Variants in BBC3 observed in about 807,000 individuals in gnomAD.
BBC3 encodes the protein bcl-2-binding component 3.
A neutral mutation model predicts 18.2 loss-of-function variants in BBC3; 5 were observed. The observed-to-expected ratio is 0.27, with a 90% confidence interval of 0.14 to 0.58. The LOEUF is 0.58. Ranked by LOEUF, BBC3 falls within the 20% of genes least tolerant of loss-of-function variation. BBC3 has a pLI of 0.91. For missense variants in BBC3, 224 were observed against 268.9 expected, an observed-to-expected ratio of 0.83 and a Z score of 1.17; for synonymous variants, 119 against 128.0, an observed-to-expected ratio of 0.93 and a Z score of 0.47.
intron 2 of BBC3, among the ~76,000 whole-genome samples, 167 bp downstream of exon 2, chr19:47,227,991 C>T (rs780242849): frequency 1.3e-5 from 2 of 152,150 alleles, no homozygotes; most frequent in East Asian, 1.9e-4. Context: ...CCCCAGCCTC[C>T]GTCTTCCTGC....
At position 47,226,681 on chromosome 19, in the gene BBC3, C is replaced by G. The variant is rs532620508; in HGVS notation, c.348G>C (p.Ala116=). Residue 116 remains alanine (A), a synonymous_variant, in exon 3 of 4, where the codon GCG becomes GCC. Transcript: ENST00000439096. ...CCGGGGCCGCCTGGGTGGGACCGCC[C>G]GCCAGAGCCCCCGGGGCGCTGGGCA... is the stretch of plus-strand genomic sequence containing the variant. The part of the protein sequence containing the change: ...SPVPSAPGAL[A]GGPTQAAPGV... 1 of 1,499,704 alleles carries G rather than the reference C, an allele frequency of 6.7e-7. No individual in the cohort carries two copies. 92.9% of individuals were successfully genotyped at this position (1,499,704 alleles called of 1,614,324 possible). A position where few individuals can be genotyped will look rare whatever the true frequency, so the allele number is the denominator to read the frequency against.
At chr19:47,232,420 CCACCCA>C (rs2058923166), upstream of BBC3, 258 of 1,036,204 alleles carry the variant, frequency 2.5e-4, 2 homozygotes, top group South Asian at 3.7e-3. Context: ...AAGAAACTGA[CCACCCA>C]CACATGTCAC....
chr19:47,222,144 C>A, intron 3 of BBC3: 1 of 481,392 alleles, frequency 2.1e-6, no homozygotes, highest in Non-Finnish European at 3.7e-6. Context: ...GAGCTGGGCA[C>A]CAAGCGAGTG....
In BBC3 at chr19:47,226,626, G is replaced by A; in HGVS notation, c.403C>T (p.Arg135Trp). 1.3e-6 allele frequency: 2 copies of A among 1,569,432 alleles called. No homozygotes were observed. The highest frequency in any genetic ancestry group is 1.7e-6 in the Non-Finnish European group (2 of 1,160,398). ...GVRGEEEQWAREIGAQLRRMA... is the reference protein window; with the variant it reads ...GVRGEEEQWAWEIGAQLRRMA... The stretch of plus-strand genomic sequence containing the variant: ...CGCCGCAGCTGGGCCCCGATCTCCC[G>A]GGCCCACTGTTCCTCCTCCCCGCGG... Residue 135 changes from arginine to tryptophan, a missense_variant, in exon 3 of 4, where the codon CGG (arginine) becomes TGG (tryptophan). Physicochemically the swap from Arg to Trp is moderately radical, Grantham distance 101. Transcript: ENST00000439096.
intron 1 of BBC3, among the ~76,000 whole-genome samples, chr19:47,229,811 C>CACAT (rs1427307087): frequency 2.6e-5 from 4 of 152,020 alleles, no homozygotes; most frequent in Admixed American, 1.3e-4. Flanking sequence ...CCCCACCACA[C>CACAT]ACATACATAC....
chr19:47,228,109 C>T lies in BBC3; in HGVS notation c.274+49G>A. The T allele has an allele frequency of 8.3e-7, 1 of 1,211,908 alleles. No individual in the cohort carries two copies. The highest frequency in any genetic ancestry group is 3.2e-5 in the East Asian group (1 of 31,298). The allele number at this position is 1,211,908 out of a possible 1,614,324, so 75.1% of individuals were successfully genotyped here. A position where few individuals can be genotyped will look rare whatever the true frequency, so the allele number is the denominator to read the frequency against. The stretch of plus-strand genomic sequence containing the variant: ...TCTCCAGTTCCTCCGAGTCTCCAGC[C>T]CTCTCTCTTCCCGGCTCCTATCACC... On this transcript the variant is annotated intron_variant, in intron 2 of 3. Coordinates refer to ENST00000439096, the MANE Select transcript of BBC3 (RefSeq NM_014417.5). The surrounding 1 kb of genome is among the most constrained non-coding windows in gnomAD (Gnocchi z 5.5).
chr19:47,224,020 C>T (rs1236001429), intron 3 of BBC3, among the ~76,000 whole-genome samples: 3 of 152,108 alleles, frequency 2.0e-5, no homozygotes, highest in Non-Finnish European at 2.9e-5. Flanking sequence ...AATGGCCGGG[C>T]GCAGTGGCTT....
rs1048972030 is a variant in BBC3 at position 47,230,926 on chromosome 19, C to A, written c.-16+3G>T. ...GGAGAGGATTCGGGGCGCGCACACT[C>A]ACCCCGGGGGCATGAACACGCCGGA... is the stretch of plus-strand genomic sequence containing the variant. On this transcript the variant is annotated splice_donor_region_variant and intron_variant, in intron 1 of 3. Transcript: ENST00000439096. This position sits in a 1 kb window ranked among gnomAD's most constrained non-coding sequence, Gnocchi z 6.7. 220 of 983,570 alleles carry A rather than the reference C, an allele frequency of 2.2e-4. No homozygotes were observed. Among genetic ancestry groups the A allele is most frequent in the Non-Finnish European group, 2.5e-4 (210 of 828,418 alleles). The allele number at this position is 983,570 out of a possible 1,614,324, so 60.9% of individuals were successfully genotyped here.
Position 47,230,628 on chromosome 19 carries a change from C to T in BBC3, c.-16+301G>A, listed in dbSNP as rs113814238. On this transcript the variant is annotated intron_variant, in intron 1 of 3. Coordinates refer to ENST00000439096, the MANE Select transcript of BBC3 (RefSeq NM_014417.5). This position sits in a 1 kb window ranked among gnomAD's most constrained non-coding sequence, Gnocchi z 6.7. Reference sequence around the variant, plus strand: ...TTGGGGGCTGGGGCACCCCTGGGGTCGACCCTCTTCCCCGGGGCCGCACTG... The same window carrying T: ...TTGGGGGCTGGGGCACCCCTGGGGTTGACCCTCTTCCCCGGGGCCGCACTG... The T allele has an allele frequency of 2.7e-6, 2 of 729,606 alleles. No homozygotes were observed. Among genetic ancestry groups the T allele is most frequent in the Non-Finnish European group, 3.4e-6 (2 of 596,632 alleles). The allele number at this position is 729,606 out of a possible 1,614,324, so 45.2% of individuals were successfully genotyped here.
Position 47,221,677 on chromosome 19 carries a change from A to G in BBC3, c.*125T>C. The stretch of plus-strand genomic sequence containing the variant: ...GGCTGCCCCGGCCCGCCCCCGGGAC[A>G]GGCAGGGCTGGGAGTCCAGTATGCT... On this transcript the variant is annotated 3_prime_UTR_variant, in exon 4 of 4. Transcript: ENST00000439096. 1.3e-6 allele frequency: 2 copies of G among 1,533,200 alleles called. No homozygotes were observed. Among genetic ancestry groups the G allele is most frequent in the Non-Finnish European group, 1.7e-6 (2 of 1,146,128 alleles). The allele number at this position is 1,533,200 out of a possible 1,614,324, so 95.0% of individuals were successfully genotyped here. A position where few individuals can be genotyped will look rare whatever the true frequency, so the allele number is the denominator to read the frequency against.
At chr19:47,226,909 A>C (rs2058833720) in intron 2 of BBC3, 155 bp from the exon 3 acceptor site, 1 of 664,006 alleles carries the variant, frequency 1.5e-6, no homozygotes. Context: ...CTCCACAGGC[A>C]CCAGAAAGCA....
Position 47,221,912 on chromosome 19 carries a change from C to CTTGTCTCT in BBC3, c.466-2_471dup (p.Glu158ArgfsTer60). 6.2e-7 allele frequency: 1 copy of CTTGTCTCT among 1,603,030 alleles called. No individual in the cohort carries two copies. On this transcript the variant is annotated frameshift_variant, in exon 4 of 4. Coordinates refer to ENST00000439096, the MANE Select transcript of BBC3 (RefSeq NM_014417.5). LOFTEE classifies it high-confidence loss of function. The stretch of plus-strand genomic sequence containing the variant: ...GAGGGGCGGTGCCGCTGCTGCTCCT[C>CTTGTCTCT]TTGTCTCTGGGGAAAAGAGAGAGAA...
At chr19:47,223,535 C>A (rs1042434486) in intron 3 of BBC3, among the ~76,000 whole-genome samples, 2 of 152,126 alleles carry the variant, frequency 1.3e-5, no homozygotes, top group Non-Finnish European at 2.9e-5. Flanking sequence ...CCACTGCACT[C>A]CAGCCTGGGC....
At position 47,226,551 on chromosome 19, in the gene BBC3, C is replaced by A; in HGVS notation, c.465+13G>T. 1 of 1,538,990 alleles carries A rather than the reference C, an allele frequency of 6.5e-7. No individual in the cohort carries two copies. Among genetic ancestry groups the A allele is most frequent in the Non-Finnish European group, 8.7e-7 (1 of 1,143,650 alleles). On this transcript the variant is annotated intron_variant, in intron 3 of 3. Coordinates refer to ENST00000439096, the MANE Select transcript of BBC3 (RefSeq NM_014417.5). The stretch of plus-strand genomic sequence containing the variant: ...AAGTCCCACCTGCCGTCTACCCCAC[C>A]CCCAGCACTCACCCGCCGCTCGTAC...
chr19:47,223,544 G>A lies in BBC3; in HGVS notation c.466-1626C>T, dbSNP rs180836003. Among the ~76,000 whole-genome samples the A allele has an allele frequency of 1.7e-3, 258 of 152,274 alleles. 2 individuals are homozygous for A. The highest frequency in any genetic ancestry group is 3.2e-4 in the Non-Finnish European group (22 of 68,014). ...ATTGCACCACTGCACTCCAGCCTGG[G>A]CAACAGAGCAAGACTCCGTGTCAAA... is the stretch of plus-strand genomic sequence containing the variant. On this transcript the variant is annotated intron_variant, in intron 3 of 3. Coordinates refer to ENST00000439096, the MANE Select transcript of BBC3 (RefSeq NM_014417.5).
At chr19:47,223,666 T>C (rs2058777552) in intron 3 of BBC3, among the ~76,000 whole-genome samples, 1 of 152,112 alleles carries the variant, frequency 6.6e-6, no homozygotes, top group Admixed American at 6.6e-5. Context: ...CCACCTAACC[T>C]CCTTCCCTTC....
chr19:47,229,986 C>T (rs2058889538), intron 1 of BBC3, among the ~76,000 whole-genome samples: 1 of 152,002 alleles, frequency 6.6e-6, no homozygotes, highest in Admixed American at 6.6e-5. Flanking sequence ...CACAAGCACA[C>T]ATATCGCACG....
upstream of BBC3, among the ~76,000 whole-genome samples, chr19:47,231,795 A>G (rs1389534784): frequency 6.6e-6 from 1 of 152,146 alleles, no homozygotes; most frequent in Non-Finnish European, 1.5e-5. The surrounding 1 kb of genome is among the most constrained non-coding windows in gnomAD (Gnocchi z 4.0). Flanking sequence ...ACTGATGATC[A>G]CACCTGGGCC....
chr19:47,222,626 C>T (rs1332260838), intron 3 of BBC3: 1 of 152,268 alleles, frequency 6.6e-6, no homozygotes, highest in Non-Finnish European at 1.5e-5. Flanking sequence ...CACCTGAGGT[C>T]AGGAGTTTGA....
Sources: gnomAD v4.1 joint callset for allele counts (sites outside exome capture counted in the v4.1 genomes callset) on GRCh38, gnomAD v4.1.1 for gene constraint, Gnocchi (gnomAD v3.1) non-coding constraint, MANE v1.5 for transcripts, NCBI Gene and HGNC (gene_info 2026-07-23, HGNC 2026-07-21) for gene names.